Variants in NR2C2 observed in about 807,000 individuals in gnomAD.
NR2C2 encodes nuclear receptor subfamily 2 group C member 2.
Under a neutral mutation model 62.9 loss-of-function variants are expected in NR2C2, and 6 were observed. That is an observed-to-expected ratio of 0.10 (90% CI 0.05 to 0.19). The LOEUF (loss-of-function observed/expected upper bound fraction) is 0.19, where lower values mean the gene tolerates loss of function less well. Ranked by LOEUF, NR2C2 falls within the 10% of genes least tolerant of loss-of-function variation. The pLI is 1.00. For missense variants in NR2C2, 479 were observed against 762.7 expected, an observed-to-expected ratio of 0.63 and a Z score of 4.38; for synonymous variants, 272 against 273.8, an observed-to-expected ratio of 0.99 and a Z score of 0.07.
chr3:14,974,149 A>C (rs1291175045), intron 1 of NR2C2, among the ~76,000 whole-genome samples: 1 of 152,064 alleles, frequency 6.6e-6, no homozygotes, highest in African/African-American at 2.4e-5. Context: ...TATGAATTTG[A>C]CTATTGATAA....
intron 7 of NR2C2, 36 bp downstream of exon 7, chr3:15,024,244 A>C: frequency 7.0e-7 from 1 of 1,421,344 alleles, no homozygotes; most frequent in Non-Finnish European, 9.7e-7. Flanking sequence ...CTCATCCTTT[A>C]TGTTGACATT....
In NR2C2 at chr3:15,040,542, TG is replaced by T. The variant is rs1029691968; in HGVS notation, c.1616+1316del. Among the ~76,000 whole-genome samples, 32 of 152,332 alleles carry T rather than the reference TG, an allele frequency of 2.1e-4. 4 individuals carry two copies. Among genetic ancestry groups the T allele is most frequent in the South Asian group, 2.1e-3 (10 of 4,820 alleles). On this transcript the variant is annotated intron_variant, in intron 13 of 13. Coordinates refer to ENST00000425241, the MANE Select transcript of NR2C2 (RefSeq NM_001291694.2). Reference sequence around the variant, plus strand: ...TGGCCCAGTGCTTCTCAAATGATTTTGCCCCCCAGCAGGGTAACCAGCTCTT... The same window carrying T: ...TGGCCCAGTGCTTCTCAAATGATTTTCCCCCCAGCAGGGTAACCAGCTCTT...
At chr3:15,027,881 T>A (rs1322862970) in intron 7 of NR2C2, among the ~76,000 whole-genome samples, 5 of 151,870 alleles carry the variant, frequency 3.3e-5, no homozygotes, top group Non-Finnish European at 7.4e-5. Context: ...TCCTTTTTTT[T>A]TTTGACATGG....
chr3:14,949,501 G>C (rs1251277234), intron 1 of NR2C2, among the ~76,000 whole-genome samples: 1 of 152,218 alleles, frequency 6.6e-6, no homozygotes, highest in African/African-American at 2.4e-5. Context: ...TATAGCAACG[G>C]TAGTGAGGAA....
chr3:14,988,911 A>G (rs373617264), intron 1 of NR2C2, among the ~76,000 whole-genome samples: 19 of 152,180 alleles, frequency 1.2e-4, no homozygotes, highest in African/African-American at 3.9e-4. Context: ...TTCATCATTT[A>G]TAGCAGTGTG....
intron 1 of NR2C2, among the ~76,000 whole-genome samples, chr3:14,969,247 T>TA: frequency 7.0e-6 from 1 of 143,836 alleles, no homozygotes; most frequent in African/African-American, 2.8e-5. Context: ...AAAGATTCTT[T>TA]TTTTTTTTTT....
At chr3:15,034,553 A>G (rs971238269) in intron 10 of NR2C2, 117 bp from the exon 11 acceptor site, 48 of 1,042,822 alleles carry the variant, frequency 4.6e-5, no homozygotes, top group Middle Eastern at 4.3e-4. Flanking sequence ...TAGCACTTCA[A>G]TAAACACTTG....
chr3:15,011,555 T>C (rs2041353259), intron 2 of NR2C2, among the ~76,000 whole-genome samples: 1 of 152,232 alleles, frequency 6.6e-6, no homozygotes, highest in Non-Finnish European at 1.5e-5. Context: ...CTGTCTCATG[T>C]TTTATGTTTC....
In NR2C2 at chr3:15,015,968, A is replaced by T. The variant is rs148250447; in HGVS notation, c.274-184A>T. Among the ~76,000 whole-genome samples, 28 of 151,866 alleles carry T rather than the reference A, an allele frequency of 1.8e-4. No homozygotes were observed. The East Asian group carries it at 5.2e-3, about 28-fold the overall frequency. The stretch of plus-strand genomic sequence containing the variant: ...CAGGCACCCACCACCACATTTGACT[A>T]ATTTTGTATTTTTAGTAGAGACAGG... On this transcript the variant is annotated intron_variant, in intron 3 of 13. Coordinates refer to ENST00000425241, the MANE Select transcript of NR2C2 (RefSeq NM_001291694.2).
At position 15,048,240 on chromosome 3, in the gene NR2C2, C is replaced by A. The variant is rs2042525346; in HGVS notation, c.*5232C>A. The A allele has an allele frequency of 6.5e-6, 1 of 152,684 alleles. No individual in the cohort carries two copies. 9.5% of individuals were successfully genotyped at this position (152,684 alleles called of 1,614,324 possible). On this transcript the variant is annotated 3_prime_UTR_variant, in exon 14 of 14. Coordinates refer to ENST00000425241, the MANE Select transcript of NR2C2 (RefSeq NM_001291694.2). ...GTAGAGAAAGCTTCTATTTCACTGG[C>A]CTCATCCCACAAGATTGTGCGACCT...
At position 15,033,232 on chromosome 3, in the gene NR2C2, A is replaced by G. The variant is rs1327533741; in HGVS notation, c.1232+732A>G. Among the ~76,000 whole-genome samples, 10 of 152,170 alleles carry G rather than the reference A, an allele frequency of 6.6e-5. No homozygotes were observed. The East Asian group carries it at 9.6e-4, about 15-fold the overall frequency. On this transcript the variant is annotated intron_variant, in intron 10 of 13. Transcript: ENST00000425241. ...GCAGGGTTGTCTAGTAGTTGACACT[A>G]TTGTCTTTGGGGCAAACAGACCTGG...
intron 10 of NR2C2, among the ~76,000 whole-genome samples, chr3:15,034,092 A>T (rs2042046365): frequency 6.6e-6 from 1 of 152,218 alleles, no homozygotes; most frequent in Non-Finnish European, 1.5e-5. Context: ...GTTTCTGAGA[A>T]TAAGGATGTA....
intron 1 of NR2C2, among the ~76,000 whole-genome samples, chr3:14,953,530 C>G (rs969922549): frequency 1.3e-5 from 2 of 152,106 alleles, no homozygotes; most frequent in Non-Finnish European, 2.9e-5. Context: ...CTTTGTTGTT[C>G]ATATGTTGAT....
chr3:15,011,863 C>T (rs1320973012), intron 2 of NR2C2, among the ~76,000 whole-genome samples: 1 of 152,170 alleles, frequency 6.6e-6, no homozygotes, highest in East Asian at 1.9e-4. Context: ...AGATGTCTTT[C>T]CTCCTAAAGT....
chr3:14,960,380 G>C (rs1315209309), intron 1 of NR2C2, among the ~76,000 whole-genome samples: 1 of 152,126 alleles, frequency 6.6e-6, no homozygotes, highest in Non-Finnish European at 1.5e-5. Flanking sequence ...GTCACCTGTT[G>C]TTAGATTTAT....
At chr3:15,018,498 G>GA (rs1559295819) in intron 4 of NR2C2, among the ~76,000 whole-genome samples, 1 of 152,144 alleles carries the variant, frequency 6.6e-6, no homozygotes. Flanking sequence ...CGAGTTATAT[G>GA]AAAAAATGCT....
intron 2 of NR2C2, among the ~76,000 whole-genome samples, chr3:15,007,955 A>G (rs1559287925): frequency 6.6e-6 from 1 of 152,160 alleles, no homozygotes; most frequent in Non-Finnish European, 1.5e-5. Flanking sequence ...AAGAGCAAGC[A>G]TTCCTATTCA....
intron 1 of NR2C2, among the ~76,000 whole-genome samples, chr3:14,981,560 G>T (rs1411725997): frequency 1.5e-5 from 2 of 137,370 alleles, no homozygotes; most frequent in Non-Finnish European, 3.0e-5. Context: ...CCGAGATCCC[G>T]CCACTGCACT....
chr3:15,010,998 T>C (rs6789255), intron 2 of NR2C2, among the ~76,000 whole-genome samples: 55,730 of 152,040 alleles, frequency 0.37, 10,893 homozygotes, highest in African/African-American at 0.49. Flanking sequence ...ATCACATAAC[T>C]GTCATTTCTT....
Sources: allele counts gnomAD v4.1 joint callset (sites outside exome capture counted in the v4.1 genomes callset), GRCh38; gene constraint gnomAD v4.1.1; transcripts MANE v1.5; gene names NCBI Gene and HGNC (gene_info 2026-07-23, HGNC 2026-07-21).